RUSF1: variants seen among roughly 807,000 people sequenced by gnomAD.
The protein encoded by RUSF1 is RUS1 family protein C16orf58.
In RUSF1, 58 loss-of-function variants were observed where a neutral mutation model predicts 63.0. The ratio of observed to expected loss-of-function variants is 0.92; its 90% CI spans 0.75 to 1.15. RUSF1 has a LOEUF of 1.15. Ranked by LOEUF, RUSF1 falls within the 50% of genes most tolerant of loss-of-function variation. The pLI is 0.00. For missense variants in RUSF1, 652 were observed against 611.0 expected (o/e 1.07, Z -0.71); for synonymous variants, 274 against 255.8 (o/e 1.07, Z -0.68).
At chr16:31,505,669 T>C (rs1010243277) in intron 2 of RUSF1, among the ~76,000 whole-genome samples, 21 of 152,192 alleles carry the variant, frequency 1.4e-4, no homozygotes, top group Non-Finnish European at 4.4e-5. Flanking sequence ...GCAGCATACA[T>C]TCATAACGGA....
intron 1 of RUSF1, 71 bp downstream of exon 1, chr16:31,508,003 C>T: frequency 1.3e-6 from 2 of 1,546,308 alleles, no homozygotes; most frequent in South Asian, 1.2e-5. Flanking sequence ...CTCCGAGTCT[C>T]AGTCACCCGT....
chr16:31,495,524 G>A (rs190466964), intron 6 of RUSF1, among the ~76,000 whole-genome samples: 1 of 152,278 alleles, frequency 6.6e-6, no homozygotes, highest in African/African-American at 2.4e-5. Flanking sequence ...TCTGTGGACC[G>A]AGGAAGCCCT....
chr16:31,500,672 G>C lies in RUSF1; in HGVS notation c.461+14C>G, dbSNP rs781055192. On this transcript the variant is annotated intron_variant, in intron 3 of 12. Coordinates refer to ENST00000327237, the MANE Select transcript of RUSF1 (RefSeq NM_022744.4). ...AAGAGTTGCCAGAGTTGCTGGCCGGGAAGACAAACTCACCCTTTCCACCAG... is the reference window on the plus strand; with the variant it reads ...AAGAGTTGCCAGAGTTGCTGGCCGGCAAGACAAACTCACCCTTTCCACCAG... 2.5e-6 allele frequency: 4 copies of C among 1,612,036 alleles called. No individual in the cohort carries two copies. The highest frequency in any genetic ancestry group is 3.4e-6 in the Non-Finnish European group (4 of 1,178,738).
chr16:31,492,216 CAGCTCCTCCAGCTCTGCT>C lies in RUSF1; in HGVS notation c.1194_1211del (p.Ala399_Leu404del). 1 of 1,611,252 alleles carries C rather than the reference CAGCTCCTCCAGCTCTGCT, an allele frequency of 6.2e-7. No homozygotes were observed. The highest frequency in any genetic ancestry group is 1.1e-5 in the South Asian group (1 of 90,728). ...ACTTACCTGCCCGCACCCGGTTCCT[CAGCTCCTCCAGCTCTGCT>C]GGAAGGGGTCCATCTCCCTGCAGGG... On this transcript the variant is annotated inframe_deletion, in exon 11 of 13. Coordinates refer to ENST00000327237, the MANE Select transcript of RUSF1 (RefSeq NM_022744.4).
chr16:31,504,012 T>C (rs533680438), intron 2 of RUSF1, among the ~76,000 whole-genome samples: 1 of 151,884 alleles, frequency 6.6e-6, no homozygotes, highest in Non-Finnish European at 1.5e-5. Flanking sequence ...TGAGACAGGG[T>C]CTCAGTCTGT....
At chr16:31,500,042 C>G (rs57568583) in intron 3 of RUSF1, among the ~76,000 whole-genome samples, 2,742 of 152,276 alleles carry the variant, frequency 0.018, 74 homozygotes, top group African/African-American at 0.063. Flanking sequence ...TAGGGTACTT[C>G]TGTTACACAA....
Position 31,492,250 on chromosome 16 carries a change from C to G in RUSF1, c.1178G>C (p.Gly393Ala), listed in dbSNP as rs1479059783. Residue 393 changes from glycine (G) to alanine (A), a missense_variant, in exon 11 of 13, where the codon GGA becomes GCA. Transcript: ENST00000327237. ...THGLMLGALQ[G>A]DGPLPAELEE... The stretch of plus-strand genomic sequence containing the variant: ...CAGCTCTGCTGGAAGGGGTCCATCT[C>G]CCTGCAGGGCCCCAAGCATCAGCCC... The G allele has an allele frequency of 6.2e-6, 10 of 1,613,164 alleles. 1 individual carries two copies. Among genetic ancestry groups the G allele is most frequent in the Middle Eastern group, 1.6e-4 (1 of 6,080 alleles).
intron 2 of RUSF1, among the ~76,000 whole-genome samples, chr16:31,506,770 GAC>G (rs1382158311): frequency 1.3e-5 from 2 of 152,052 alleles, no homozygotes; most frequent in African/African-American, 4.8e-5. Flanking sequence ...CAGCCTGGGT[GAC>G]AGTGAGACTA....
At chr16:31,505,471 T>C (rs1460196090) in intron 2 of RUSF1, among the ~76,000 whole-genome samples, 5 of 152,166 alleles carry the variant, frequency 3.3e-5, no homozygotes, top group South Asian at 2.1e-4. Flanking sequence ...CTGTGTCTTA[T>C]TTCTTTTCTC....
intron 12 of RUSF1, among the ~76,000 whole-genome samples, chr16:31,491,694 T>C (rs963734266): frequency 1.4e-5 from 2 of 146,928 alleles, no homozygotes; most frequent in Non-Finnish European, 3.0e-5. Flanking sequence ...CACTGTAGCC[T>C]CGACCTCCCC....
chr16:31,497,848 C>T (rs1289946243), intron 5 of RUSF1, among the ~76,000 whole-genome samples: 1 of 152,360 alleles, frequency 6.6e-6, no homozygotes, highest in Admixed American at 6.5e-5. Flanking sequence ...CGGAGCCTGG[C>T]AAGCCTGGTG....
chr16:31,505,731 C>T (rs536955395), intron 2 of RUSF1, among the ~76,000 whole-genome samples: 12 of 152,266 alleles, frequency 7.9e-5, no homozygotes, highest in South Asian at 6.2e-4. Flanking sequence ...AAGATAGAAA[C>T]CACAGTTAAT....
intron 2 of RUSF1, among the ~76,000 whole-genome samples, chr16:31,506,199 C>T (rs2142663293): frequency 6.6e-6 from 1 of 152,346 alleles, no homozygotes; most frequent in South Asian, 2.1e-4. Flanking sequence ...TGAACACAAA[C>T]TTTGTTTCAT....
intron 5 of RUSF1, 22 bp from the exon 6 acceptor site, chr16:31,496,972 A>T (rs2082607078): frequency 6.4e-7 from 1 of 1,572,700 alleles, no homozygotes; most frequent in East Asian, 2.3e-5. Flanking sequence ...GGGAAGAGAG[A>T]AGGTTGGCAG....
intron 10 of RUSF1, 85 bp from the exon 11 acceptor site, chr16:31,492,425 G>A (rs1009210290): frequency 7.0e-7 from 1 of 1,435,200 alleles, no homozygotes; most frequent in East Asian, 2.4e-5. Context: ...TCCCCTGTCT[G>A]CCCCAAGACC....
Position 31,490,603 on chromosome 16 carries a change from C to A in RUSF1, c.*232G>T. 1 of 1,379,992 alleles carries A rather than the reference C, an allele frequency of 7.2e-7. No individual in the cohort carries two copies. The highest frequency in any genetic ancestry group is 1.2e-5 in the South Asian group (1 of 82,066). 85.5% of individuals were successfully genotyped at this position (1,379,992 alleles called of 1,614,324 possible). ...GTGGGGGTGAGGAGCCTGCGGTGCT[C>A]CCCAGAAAAGGGGAAGGGGCAGTGG... is the stretch of plus-strand genomic sequence containing the variant. On this transcript the variant is annotated 3_prime_UTR_variant, in exon 13 of 13. Coordinates refer to ENST00000327237, the MANE Select transcript of RUSF1 (RefSeq NM_022744.4).
chr16:31,502,936 C>CT (rs1196995302), intron 2 of RUSF1, among the ~76,000 whole-genome samples: 1 of 152,242 alleles, frequency 6.6e-6, no homozygotes, highest in East Asian at 1.9e-4. Context: ...AGCTCAGACT[C>CT]TATTTTTCTT....
chr16:31,507,913 G>GT, intron 1 of RUSF1, 35 bp from the exon 2 acceptor site: 5 of 1,547,276 alleles, frequency 3.2e-6, no homozygotes, highest in Non-Finnish European at 4.4e-6. Context: ...AGAAGCGGGC[G>GT]TAGGAGCGTG....
chr16:31,501,833 T>G (rs1360578664), intron 2 of RUSF1, among the ~76,000 whole-genome samples: 1 of 152,140 alleles, frequency 6.6e-6, no homozygotes. Flanking sequence ...TAGAAAACAC[T>G]GATTTAGACC....
Sources: allele counts gnomAD v4.1 joint callset (sites outside exome capture counted in the v4.1 genomes callset), GRCh38; gene constraint gnomAD v4.1.1; transcripts MANE v1.5; gene names NCBI Gene and HGNC (gene_info 2026-07-23, HGNC 2026-07-21).